Variants in SGCD observed in about 807,000 individuals in gnomAD.
SGCD encodes the protein sarcoglycan delta, also known as delta-sarcoglycan.
SGCD carries 18 observed loss-of-function variants against 36.6 expected under a neutral mutation model. The ratio of observed to expected loss-of-function variants is 0.49; its 90% CI spans 0.34 to 0.73. SGCD has a LOEUF of 0.73. SGCD is among the 30% of genes least tolerant of loss of function. The pLI, the probability that SGCD is intolerant of heterozygous loss-of-function variation, is 0.01. For synonymous variants in SGCD, 133 were observed against 130.6 expected (o/e 1.02, Z -0.12); for missense variants, 387 against 346.7 (o/e 1.12, Z -0.92).
chr5:156,368,579 G>A (rs895315348), intron 3 of SGCD, among the ~76,000 whole-genome samples: 4 of 152,132 alleles, frequency 2.6e-5, no homozygotes, highest in Admixed American at 6.6e-5. Context: ...CTTCTGGACC[G>A]TAGACCAGTA....
chr5:156,490,666 T>G (rs1264908475), intron 3 of SGCD, among the ~76,000 whole-genome samples: 6 of 151,998 alleles, frequency 3.9e-5, no homozygotes, highest in African/African-American at 1.2e-4. Flanking sequence ...CCCTTAATGA[T>G]AAGAACTCCC....
chr5:156,526,080 A>T (rs1284468993), intron 4 of SGCD, among the ~76,000 whole-genome samples: 3 of 152,188 alleles, frequency 2.0e-5, no homozygotes, highest in Admixed American at 6.6e-5. Context: ...AATGGCAGGC[A>T]GTAGTTGTCT....
At chr5:156,485,901 G>C (rs899513994) in intron 3 of SGCD, among the ~76,000 whole-genome samples, 1 of 152,092 alleles carries the variant, frequency 6.6e-6, no homozygotes, top group Admixed American at 6.5e-5. Context: ...AAAGGTGAGA[G>C]ATCCCCAGCA....
intron 1 of SGCD, among the ~76,000 whole-genome samples, chr5:155,914,561 A>G (rs1429418687): frequency 1.3e-5 from 2 of 152,178 alleles, no homozygotes; most frequent in Non-Finnish European, 2.9e-5. Context: ...ATCACAGGCA[A>G]TAAAGAACAA....
upstream of SGCD, among the ~76,000 whole-genome samples, chr5:156,322,760 A>G (rs150248370): frequency 3.5e-4 from 54 of 152,360 alleles, no homozygotes; most frequent in Middle Eastern, 3.4e-3. Flanking sequence ...AAGGATTAGA[A>G]GAATGAGGGA....
chr5:156,651,802 A>AT (rs921109307), intron 7 of SGCD, among the ~76,000 whole-genome samples: 25 of 150,212 alleles, frequency 1.7e-4, no homozygotes, highest in Non-Finnish European at 2.2e-4. Context: ...GAATTTTAGA[A>AT]TTTTTTTTTT....
intron 3 of SGCD, among the ~76,000 whole-genome samples, chr5:156,468,384 A>G (rs974384135): frequency 2.0e-5 from 3 of 151,550 alleles, no homozygotes; most frequent in African/African-American, 7.3e-5. Context: ...GTTTATGGCC[A>G]CTAAGAGGAT....
At chr5:156,029,386 C>T (rs1301961599) in intron 1 of SGCD, among the ~76,000 whole-genome samples, 1 of 152,012 alleles carries the variant, frequency 6.6e-6, no homozygotes, top group African/African-American at 2.4e-5. Context: ...ACTCACTCAC[C>T]CTTATAGTTG....
At chr5:156,347,464 G>A (rs1298338888) in intron 3 of SGCD, among the ~76,000 whole-genome samples, 4 of 152,194 alleles carry the variant, frequency 2.6e-5, no homozygotes, top group African/African-American at 4.8e-5. Flanking sequence ...TTGACTTCTG[G>A]TTGGATGTAG....
intron 3 of SGCD, among the ~76,000 whole-genome samples, chr5:156,508,323 C>G (rs957477778): frequency 3.3e-5 from 5 of 152,020 alleles, no homozygotes; most frequent in African/African-American, 1.2e-4. Flanking sequence ...TGCTGCCTAG[C>G]AAAATTGCCC....
intron 5 of SGCD, among the ~76,000 whole-genome samples, chr5:156,591,668 C>T (rs1456351667): frequency 6.6e-6 from 1 of 151,660 alleles, no homozygotes; most frequent in Admixed American, 6.6e-5. Flanking sequence ...AGGAGGCACT[C>T]CACACATAGA....
At chr5:155,737,782 T>C in the SGCD span, among the ~76,000 whole-genome samples, 1 of 152,158 alleles carries the variant, frequency 6.6e-6, no homozygotes, top group East Asian at 1.9e-4. Flanking sequence ...ATTGTTGTCA[T>C]TGATCACTCA....
intron 6 of SGCD, among the ~76,000 whole-genome samples, chr5:156,626,826 T>C (rs988375992): frequency 7.9e-5 from 12 of 152,236 alleles, no homozygotes; most frequent in African/African-American, 2.6e-4. Context: ...ACCAGAGTGA[T>C]TTCTTCAGCT....
chr5:156,546,416 T>G (rs1758572295), intron 4 of SGCD, among the ~76,000 whole-genome samples: 2 of 152,204 alleles, frequency 1.3e-5, no homozygotes, highest in Admixed American at 1.3e-4. Context: ...GTGTGCACAT[T>G]GTGTGTATTT....
intron 3 of SGCD, among the ~76,000 whole-genome samples, chr5:156,455,161 T>C (rs1303006589): frequency 6.6e-6 from 1 of 152,178 alleles, no homozygotes; most frequent in Non-Finnish European, 1.5e-5. Context: ...CATAAAGATA[T>C]ACCAAAGTCC....
chr5:155,977,861 C>T (rs144085692), intron 1 of SGCD, among the ~76,000 whole-genome samples: 6,875 of 152,036 alleles, frequency 0.045, 548 homozygotes, highest in African/African-American at 0.16. Flanking sequence ...TTTGGGAGGC[C>T]GAGGTGGGCA....
intron 1 of SGCD, among the ~76,000 whole-genome samples, chr5:155,998,479 C>T (rs2127567141): frequency 6.6e-6 from 1 of 152,232 alleles, no homozygotes; most frequent in South Asian, 2.1e-4. Context: ...TTCCCTTCTT[C>T]CTGGGTTCCT....
intron 1 of SGCD, among the ~76,000 whole-genome samples, chr5:156,045,798 C>G (rs1331597566): frequency 1.3e-5 from 2 of 152,112 alleles, no homozygotes; most frequent in African/African-American, 2.4e-5. Flanking sequence ...ATCAGGACCC[C>G]ATTCTTATGA....
chr5:156,563,483 C>T (rs756190402), intron 4 of SGCD, among the ~76,000 whole-genome samples: 3 of 152,192 alleles, frequency 2.0e-5, no homozygotes, highest in Non-Finnish European at 2.9e-5. Context: ...AGCTTTTCTG[C>T]GAGAAGGCAG....
Sources: gnomAD v4.1 joint callset for allele counts (sites outside exome capture counted in the v4.1 genomes callset) on GRCh38, gnomAD v4.1.1 for gene constraint, MANE v1.5 for transcripts, NCBI Gene and HGNC (gene_info 2026-07-23, HGNC 2026-07-21) for gene names.